Variants in MMP3 observed in about 807,000 individuals in gnomAD.
MMP3 encodes the protein matrix metallopeptidase 3.
Under a neutral mutation model 47.3 loss-of-function variants are expected in MMP3, and 46 were observed. The ratio of observed to expected loss-of-function variants is 0.97; its 90% CI spans 0.77 to 1.24. The LOEUF (loss-of-function observed/expected upper bound fraction) is 1.24, where lower values mean the gene tolerates loss of function less well. MMP3 is among the 50% of genes most tolerant of loss of function. The pLI is 0.00. For synonymous variants in MMP3, 216 were observed against 206.5 expected, an observed-to-expected ratio of 1.05 and a Z score of -0.39; for missense variants, 558 against 565.5, an observed-to-expected ratio of 0.99 and a Z score of 0.13.
At position 102,840,512 on chromosome 11, in the gene MMP3, A is replaced by C. The variant is rs782364467; in HGVS notation, c.707T>G (p.Met236Arg). 1.2e-6 allele frequency: 2 copies of C among 1,614,016 alleles called. No individual in the cohort carries two copies. The highest frequency in any genetic ancestry group is 8.5e-7 in the Non-Finnish European group (1 of 1,180,000). Reference protein sequence around the residue: ...LFHSANTEALMYPLYHSLTDL... With the variant: ...LFHSANTEALRYPLYHSLTDL... ...TGTGAGTGAGTGATAGAGTGGGTAC[A>C]TCAAAGCTTCAGTGTTGGCTGAGTG... Residue 236 changes from methionine to arginine, a missense_variant, in exon 5 of 10, where the codon ATG becomes AGG. Transcript: ENST00000299855.
In MMP3 at chr11:102,836,275, C is replaced by T. The variant is rs376154341; in HGVS notation, c.1334-49G>A. ...AGTAAGATATTTTTCCAAATAAAGA[C>T]ATTTGACAATATACAAAACTCAGAA... is the stretch of plus-strand genomic sequence containing the variant. On this transcript the variant is annotated intron_variant, in intron 9 of 9. Coordinates refer to ENST00000299855, the MANE Select transcript of MMP3 (RefSeq NM_002422.5). The surrounding 1 kb of genome is among the most constrained non-coding windows in gnomAD (Gnocchi z 4.6). The T allele has an allele frequency of 7.1e-7, 1 of 1,408,730 alleles. No homozygotes were observed. The highest frequency in any genetic ancestry group is 2.3e-5 in the East Asian group (1 of 43,790). The allele number at this position is 1,408,730 out of a possible 1,614,324, so 87.3% of individuals were successfully genotyped here. A position where few individuals can be genotyped will look rare whatever the true frequency, so the allele number is the denominator to read the frequency against.
At chr11:102,838,980 TG>T in intron 7 of MMP3, 129 bp downstream of exon 7, 1 of 984,136 alleles carries the variant, frequency 1.0e-6, no homozygotes, top group Non-Finnish European at 1.5e-6. Context: ...ATATCAGCCC[TG>T]GTTATTTCTT....
At chr11:102,843,351 C>A in intron 1 of MMP3, 91 bp downstream of exon 1, 2 of 874,346 alleles carry the variant, frequency 2.3e-6, no homozygotes, top group South Asian at 2.9e-5. Context: ...ACAGTAAGCT[C>A]AAGCATTCTA....
chr11:102,836,679 A>G lies in MMP3; in HGVS notation c.1334-453T>C. On this transcript the variant is annotated intron_variant, in intron 9 of 9. Transcript: ENST00000299855. This position sits in a 1 kb window ranked among gnomAD's most constrained non-coding sequence, Gnocchi z 4.6. Reference sequence around the variant, plus strand: ...GCATTGCAGCCTAGGAAGCACAGCAACTATTTCAAAACACCAGGGGACCCT... The same window carrying G: ...GCATTGCAGCCTAGGAAGCACAGCAGCTATTTCAAAACACCAGGGGACCCT... 1 of 405,802 alleles carries G rather than the reference A, an allele frequency of 2.5e-6. No homozygotes were observed. The allele number at this position is 405,802 out of a possible 1,614,324, so 25.1% of individuals were successfully genotyped here.
rs781906631 is a variant in MMP3, at chr11:102,836,270, A to G, written c.1334-44T>C. ...GAAATAGTAAGATATTTTTCCAAATAAAGACATTTGACAATATACAAAACT... is the reference window on the plus strand; with the variant it reads ...GAAATAGTAAGATATTTTTCCAAATGAAGACATTTGACAATATACAAAACT... On this transcript the variant is annotated intron_variant, in intron 9 of 9. Transcript: ENST00000299855. This position sits in a 1 kb window ranked among gnomAD's most constrained non-coding sequence, Gnocchi z 4.6. 2.7e-6 allele frequency: 4 copies of G among 1,466,158 alleles called. No homozygotes were observed. The highest frequency in any genetic ancestry group is 1.7e-5 in the Admixed American group (1 of 58,118). The allele number at this position is 1,466,158 out of a possible 1,614,324, so 90.8% of individuals were successfully genotyped here.
intron 4 of MMP3, 59 bp downstream of exon 4, chr11:102,842,095 C>T: frequency 2.1e-6 from 3 of 1,445,828 alleles, no homozygotes; most frequent in African/African-American, 1.4e-5. Flanking sequence ...TGGTTATTAA[C>T]AGATTTCTAC....
In MMP3 at chr11:102,842,196, C is replaced by A. The variant is rs782241657; in HGVS notation, c.583G>T (p.Ala195Ser). The change falls in exon 4 of 10, where the codon GCC (alanine) becomes TCC (serine). Residue 195 changes from alanine to serine, a missense_variant. Ala to Ser is a moderately conservative substitution (Grantham distance 99, BLOSUM62 1). Transcript: ENST00000299855. ...YAPGPGINGD[A>S]HFDDDEQWTK... ...CATTGTTCATCATCATCAAAGTGGG[C>A]ATCTCCATTAATCCCTGGCCCAGGG... The A allele has an allele frequency of 4.3e-6, 7 of 1,611,798 alleles. No homozygotes were observed. The highest frequency in any genetic ancestry group is 5.9e-6 in the Non-Finnish European group (7 of 1,178,828).
At chr11:102,838,246 G>A (rs1555004895) in intron 8 of MMP3, among the ~76,000 whole-genome samples, 1 of 152,128 alleles carries the variant, frequency 6.6e-6, no homozygotes. Context: ...GCATGGAGGT[G>A]ATGAGACTTG....
Position 102,843,561 on chromosome 11 carries a change from C to T in MMP3, c.-15G>A, listed in dbSNP as rs994709248. 3 of 1,604,856 alleles carry T rather than the reference C, an allele frequency of 1.9e-6. No individual in the cohort carries two copies. Among genetic ancestry groups the T allele is most frequent in the Non-Finnish European group, 1.7e-6 (2 of 1,173,716 alleles). ...AGACTCTTCATTTCCACTGGCTTTA[C>T]TTAGCTCTATGTTGTCTCTATGCCT... On this transcript the variant is annotated 5_prime_UTR_variant, in exon 1 of 10. Transcript: ENST00000299855.
intron 4 of MMP3, among the ~76,000 whole-genome samples, chr11:102,841,721 A>AG (rs1388123083): frequency 6.6e-6 from 1 of 152,066 alleles, no homozygotes; most frequent in Non-Finnish European, 1.5e-5. Flanking sequence ...AGAAAAAAAA[A>AG]AAAAAGAGAA....
In MMP3 at chr11:102,838,606, T is replaced by C; in HGVS notation, c.1174A>G (p.Ile392Val). The change falls in exon 8 of 10, where the codon ATT (isoleucine) becomes GTT (valine). Residue 392 changes from isoleucine (I) to valine (V), a missense_variant. Physicochemically the swap from Ile to Val is conservative, Grantham distance 29. Transcript: ENST00000299855. ...GTTTTGTTCTTTTCCTTATCAGAAA[T>C]GGCTGCATCGATTTTCCTCACGGTT... ...PPTVRKIDAA[I>V]SDKEKNKTYF... is the part of the protein sequence containing the mutation. The C allele has an allele frequency of 6.2e-7, 1 of 1,613,708 alleles. No homozygotes were observed. The highest frequency in any genetic ancestry group is 8.5e-7 in the Non-Finnish European group (1 of 1,179,976).
chr11:102,839,273 T>A (rs1555005085), intron 6 of MMP3, 30 bp from the exon 7 acceptor site: 1 of 1,611,930 alleles, frequency 6.2e-7, no homozygotes, highest in Admixed American at 1.7e-5. Context: ...AAATGTAAAT[T>A]GAAAAACAAT....
rs1858881955 is a variant in MMP3, at chr11:102,836,373, A to G, written c.1334-147T>C. ...TCAGGGACTATGCCAAGCTTGTTAC[A>G]TGAATTTATTTTCATTTATTTCTGC... On this transcript the variant is annotated intron_variant, in intron 9 of 9. Coordinates refer to ENST00000299855, the MANE Select transcript of MMP3 (RefSeq NM_002422.5). This position sits in a 1 kb window ranked among gnomAD's most constrained non-coding sequence, Gnocchi z 4.6. 1.0e-5 allele frequency: 7 copies of G among 698,392 alleles called. No individual in the cohort carries two copies. The Admixed American group carries it at 1.3e-4, about 13-fold the overall frequency. 43.3% of individuals were successfully genotyped at this position (698,392 alleles called of 1,614,324 possible). A position where few individuals can be genotyped will look rare whatever the true frequency, so the allele number is the denominator to read the frequency against.
chr11:102,840,331 T>A (rs1192979484), intron 5 of MMP3, 79 bp from the exon 6 acceptor site: 10 of 1,587,634 alleles, frequency 6.3e-6, no homozygotes, highest in Non-Finnish European at 8.6e-6. Flanking sequence ...CTCACGGTGC[T>A]TTGAACTAAA....
At position 102,839,230 on chromosome 11, in the gene MMP3, T is replaced by C; in HGVS notation, c.949A>G (p.Lys317Glu). Residue 317 changes from lysine to glutamate, a missense_variant, in exon 7 of 10, where the codon AAA becomes GAA. Transcript: ENST00000299855. ...LIFKDRHFWRKSLRKLEPELH... is the reference protein window; with the variant it reads ...LIFKDRHFWRESLRKLEPELH... ...TCAGGTTCAAGCTTCCTGAGGGATT[T>C]GCGCCAAAAGTGCCTAAAATATATG... 1 of 1,613,894 alleles carries C rather than the reference T, an allele frequency of 6.2e-7. No homozygotes were observed. Among genetic ancestry groups the C allele is most frequent in the Non-Finnish European group, 8.5e-7 (1 of 1,179,932 alleles).
Position 102,837,008 on chromosome 11 carries a change from G to A in MMP3, c.1333+290C>T, listed in dbSNP as rs892809650. ...ATGCTAACATGGTAATCTGAAAGTCGAGCTTGACTCCACATGTTAGCTCGA... is the reference window on the plus strand; with the variant it reads ...ATGCTAACATGGTAATCTGAAAGTCAAGCTTGACTCCACATGTTAGCTCGA... On this transcript the variant is annotated intron_variant, in intron 9 of 9. Coordinates refer to ENST00000299855, the MANE Select transcript of MMP3 (RefSeq NM_002422.5). The surrounding 1 kb of genome is among the most constrained non-coding windows in gnomAD (Gnocchi z 4.4). Among the ~76,000 whole-genome samples the A allele has an allele frequency of 6.6e-5, 10 of 152,138 alleles. No homozygotes were observed. The highest frequency in any genetic ancestry group is 2.2e-4 in the African/African-American group (9 of 41,438).
intron 4 of MMP3, among the ~76,000 whole-genome samples, chr11:102,841,897 T>C (rs1446012225): frequency 3.9e-5 from 6 of 152,188 alleles, no homozygotes; most frequent in Non-Finnish European, 8.8e-5. Flanking sequence ...TTAATAATGG[T>C]TACCCCTAGA....
In MMP3 at chr11:102,836,566, C is replaced by T. The variant is rs1555004598; in HGVS notation, c.1334-340G>A. 2.0e-6 allele frequency: 1 copy of T among 490,986 alleles called. No homozygotes were observed. The highest frequency in any genetic ancestry group is 4.2e-6 in the Non-Finnish European group (1 of 240,368). The allele number at this position is 490,986 out of a possible 1,614,324, so 30.4% of individuals were successfully genotyped here. On this transcript the variant is annotated intron_variant, in intron 9 of 9. Coordinates refer to ENST00000299855, the MANE Select transcript of MMP3 (RefSeq NM_002422.5). This position sits in a 1 kb window ranked among gnomAD's most constrained non-coding sequence, Gnocchi z 4.6. ...CCAGATTCCAGGTTACAGGGTTATTCTGCTTCCGATCAGATAAATTCTCCA... is the reference window on the plus strand; with the variant it reads ...CCAGATTCCAGGTTACAGGGTTATTTTGCTTCCGATCAGATAAATTCTCCA...
At chr11:102,839,343 C>T (rs1858950467) in intron 6 of MMP3, 100 bp from the exon 7 acceptor site, 1 of 1,365,176 alleles carries the variant, frequency 7.3e-7, no homozygotes, top group Non-Finnish European at 1.0e-6. Context: ...CCCATTCTCT[C>T]ATCTTCTAGG....
Sources: gnomAD v4.1 joint callset for allele counts (sites outside exome capture counted in the v4.1 genomes callset) on GRCh38, gnomAD v4.1.1 for gene constraint, Gnocchi (gnomAD v3.1) non-coding constraint, MANE v1.5 for transcripts, NCBI Gene and HGNC (gene_info 2026-07-23, HGNC 2026-07-21) for gene names.